The following SLC35F4 variants were observed in gnomAD, a reference collection of about 807,000 sequenced individuals.
SLC35F4 encodes solute carrier family 35 member F4.
SLC35F4 carries 24 observed loss-of-function variants against 44.2 expected under a neutral mutation model. The ratio of observed to expected loss-of-function variants is 0.54; its 90% CI spans 0.39 to 0.76. The LOEUF (loss-of-function observed/expected upper bound fraction) is 0.76. SLC35F4 is among the 30% of genes least tolerant of loss of function. The pLI is 0.00. For missense variants in SLC35F4, 562 were observed against 586.1 expected (o/e 0.96, Z 0.42); for synonymous variants, 238 against 223.6 (o/e 1.06, Z -0.57).
At position 57,803,139 on chromosome 14, in the gene SLC35F4, G is replaced by A. The variant is rs544619625; in HGVS notation, c.103+62584C>T. On this transcript the variant is annotated intron_variant, in intron 1 of 7. Coordinates refer to ENST00000556826, the MANE Select transcript of SLC35F4 (RefSeq NM_001306087.2). The stretch of plus-strand genomic sequence containing the variant: ...GTTGTCTTCATCCCCAGGATTCAAG[G>A]TTGGTTTAACATATGCAAATCAATA... 8.5e-5 allele frequency among the ~76,000 whole-genome samples: 13 copies of A among 152,186 alleles called. No homozygotes were observed. The East Asian group carries it at 2.5e-3, about 29-fold the overall frequency.
chr14:57,857,755 T>A (rs1470689526), intron 1 of SLC35F4, among the ~76,000 whole-genome samples: 1 of 152,038 alleles, frequency 6.6e-6, no homozygotes, highest in Non-Finnish European at 1.5e-5. Flanking sequence ...TTAGCCAGCC[T>A]GGGGCATTTG....
intron 1 of SLC35F4, among the ~76,000 whole-genome samples, chr14:57,827,811 A>T (rs1883950965): frequency 6.6e-6 from 1 of 152,072 alleles, no homozygotes; most frequent in Non-Finnish European, 1.5e-5. Context: ...TTCAAAAAAA[A>T]AAAAAACAGT....
chr14:57,872,699 T>C (rs996505411), intron 1 of SLC35F4, among the ~76,000 whole-genome samples: 1 of 152,152 alleles, frequency 6.6e-6, no homozygotes, highest in Admixed American at 6.6e-5. Flanking sequence ...AGCTAGGGTA[T>C]AAATTCTCCA....
chr14:57,668,412 A>G (rs1184877222), intron 1 of SLC35F4, among the ~76,000 whole-genome samples: 7 of 152,048 alleles, frequency 4.6e-5, no homozygotes, highest in Middle Eastern at 3.4e-3. Flanking sequence ...GCCCATGCCT[A>G]TGTCCTGAAT....
intron 1 of SLC35F4, among the ~76,000 whole-genome samples, chr14:57,751,453 T>C (rs558337244): frequency 5.9e-5 from 9 of 152,318 alleles, no homozygotes; most frequent in African/African-American, 1.2e-4. Context: ...CTTTTGTTAC[T>C]GTTATCCACA....
chr14:57,855,976 G>A (rs1887042367), intron 1 of SLC35F4, among the ~76,000 whole-genome samples: 1 of 151,512 alleles, frequency 6.6e-6, no homozygotes, highest in South Asian at 2.1e-4. Flanking sequence ...ACTCATAAGT[G>A]AGAGTTGAAC....
At chr14:57,735,347 G>A (rs185853653) in intron 1 of SLC35F4, among the ~76,000 whole-genome samples, 22 of 152,304 alleles carry the variant, frequency 1.4e-4, no homozygotes, top group Non-Finnish European at 8.8e-5. Flanking sequence ...GGCTTCAAAC[G>A]ATGCTTTGTG....
intron 1 of SLC35F4, among the ~76,000 whole-genome samples, chr14:57,786,747 G>C (rs1201017403): frequency 1.3e-5 from 2 of 152,110 alleles, no homozygotes; most frequent in African/African-American, 4.8e-5. Context: ...ACATTCCATG[G>C]GTCAAAAGAA....
At chr14:57,661,702 G>A (rs2074143169) in intron 1 of SLC35F4, among the ~76,000 whole-genome samples, 1 of 152,168 alleles carries the variant, frequency 6.6e-6, no homozygotes, top group Non-Finnish European at 1.5e-5. Context: ...GGGGTCATAA[G>A]GGTCCCAAAT....
intron 1 of SLC35F4, among the ~76,000 whole-genome samples, chr14:57,760,168 T>C (rs2077090670): frequency 6.6e-6 from 1 of 152,174 alleles, no homozygotes; most frequent in Non-Finnish European, 1.5e-5. Flanking sequence ...TTTTGGGTCT[T>C]GCATTTAGGT....
intron 1 of SLC35F4, among the ~76,000 whole-genome samples, chr14:57,595,135 C>G (rs1260338363): frequency 6.6e-6 from 1 of 152,204 alleles, no homozygotes; most frequent in Non-Finnish European, 1.5e-5. Context: ...ATCATCATGT[C>G]CCTTTATCCA....
intron 1 of SLC35F4, among the ~76,000 whole-genome samples, chr14:57,978,034 GA>G (rs1881269178): frequency 6.6e-6 from 1 of 152,128 alleles, no homozygotes; most frequent in Admixed American, 6.5e-5. Context: ...AAGGGCATGT[GA>G]ATAAACCCAC....
chr14:57,678,164 C>G (rs529769861), intron 1 of SLC35F4, among the ~76,000 whole-genome samples: 50 of 152,220 alleles, frequency 3.3e-4, no homozygotes, highest in Non-Finnish European at 6.6e-4. Context: ...ATCAGACAAA[C>G]AGCAGATTTA....
chr14:57,961,493 G>A (rs1040798042), intron 1 of SLC35F4, among the ~76,000 whole-genome samples: 2 of 152,120 alleles, frequency 1.3e-5, no homozygotes, highest in Middle Eastern at 3.2e-3. Context: ...GCTTGTCCCT[G>A]TTATAGTCTA....
At chr14:57,760,740 C>A (rs1348447022) in intron 1 of SLC35F4, among the ~76,000 whole-genome samples, 1 of 152,084 alleles carries the variant, frequency 6.6e-6, no homozygotes, top group Non-Finnish European at 1.5e-5. Context: ...TCTCCCAATG[C>A]CCCTTAAATT....
intron 1 of SLC35F4, among the ~76,000 whole-genome samples, chr14:57,828,286 T>C (rs930845386): frequency 2.0e-5 from 3 of 152,074 alleles, no homozygotes; most frequent in African/African-American, 4.8e-5. Context: ...TTTTTAAAGC[T>C]CCACATGATG....
At chr14:57,573,437 C>T (rs985294460) in intron 4 of SLC35F4, among the ~76,000 whole-genome samples, 1 of 152,184 alleles carries the variant, frequency 6.6e-6, no homozygotes, top group South Asian at 2.1e-4. Flanking sequence ...ATATCATATT[C>T]TCTGAAGCTG....
At chr14:57,805,428 T>C (rs1881194550) in intron 1 of SLC35F4, among the ~76,000 whole-genome samples, 1 of 152,188 alleles carries the variant, frequency 6.6e-6, no homozygotes. Context: ...CACCATGGGA[T>C]ACTATGCAGC....
At chr14:57,726,373 T>C (rs1011001297) in intron 1 of SLC35F4, among the ~76,000 whole-genome samples, 4 of 152,122 alleles carry the variant, frequency 2.6e-5, no homozygotes, top group African/African-American at 9.7e-5. Flanking sequence ...TAGAAGAAGG[T>C]AGTCATCAAT....
Sources: allele counts gnomAD v4.1 joint callset (sites outside exome capture counted in the v4.1 genomes callset), GRCh38; gene constraint gnomAD v4.1.1; transcripts MANE v1.5; gene names NCBI Gene and HGNC (gene_info 2026-07-23, HGNC 2026-07-21).